The following FAR1 variants were observed in gnomAD, a reference collection of about 807,000 sequenced individuals.
FAR1 encodes male sterility domain-containing protein 2.
Under a neutral mutation model 61.1 loss-of-function variants are expected in FAR1, and 22 were observed. The observed-to-expected ratio is 0.36, with a 90% confidence interval of 0.26 to 0.51. The LOEUF is 0.51. Among genes scored for constraint, FAR1 ranks in the 20% least tolerant of loss-of-function variants. The pLI is 0.95. For synonymous variants in FAR1, 206 were observed against 209.7 expected, an observed-to-expected ratio of 0.98 and a Z score of 0.15; for missense variants, 359 against 626.9, an observed-to-expected ratio of 0.57 and a Z score of 4.56.
At chr11:13,711,051 C>A in intron 5 of FAR1, 181 bp downstream of exon 5, 1 of 557,624 alleles carries the variant, frequency 1.8e-6, no homozygotes, top group Non-Finnish European at 3.1e-6. Context: ...TATAATGTGA[C>A]GCTGGGTATA....
chr11:13,729,821 A>T lies in FAR1; in HGVS notation c.*1047A>T, dbSNP rs556238006. The T allele has an allele frequency of 7.9e-5, 12 of 152,392 alleles. No homozygotes were observed. Among genetic ancestry groups the T allele is most frequent in the African/African-American group, 2.9e-4 (12 of 41,586 alleles). The allele number at this position is 152,392 out of a possible 1,614,324, so 9.4% of individuals were successfully genotyped here. On this transcript the variant is annotated 3_prime_UTR_variant, in exon 12 of 12. Coordinates refer to ENST00000354817, the MANE Select transcript of FAR1 (RefSeq NM_032228.6). ...CACATACTAATTTTGACCTTGAAAGATGAATTCCTTCAAGAAAAATAAAAT... is the reference window on the plus strand; with the variant it reads ...CACATACTAATTTTGACCTTGAAAGTTGAATTCCTTCAAGAAAAATAAAAT...
At chr11:13,725,135 G>A (rs1848656141) in intron 10 of FAR1, among the ~76,000 whole-genome samples, 1 of 152,078 alleles carries the variant, frequency 6.6e-6, no homozygotes, top group Non-Finnish European at 1.5e-5. Flanking sequence ...TGGCTATTAG[G>A]AATAATTATC....
chr11:13,692,739 C>T (rs562170259), intron 1 of FAR1, among the ~76,000 whole-genome samples: 3 of 152,192 alleles, frequency 2.0e-5, no homozygotes, highest in Admixed American at 2.0e-4. Context: ...TGTACTTACA[C>T]CTGAATTTCC....
rs560571621 is a variant in FAR1, at chr11:13,705,660, T to A, written c.366-2240T>A. 4.6e-5 allele frequency among the ~76,000 whole-genome samples: 7 copies of A among 152,090 alleles called. No homozygotes were observed. In the South Asian group the frequency reaches 1.5e-3, roughly 32 times the overall value. On this transcript the variant is annotated intron_variant, in intron 3 of 11. Coordinates refer to ENST00000354817, the MANE Select transcript of FAR1 (RefSeq NM_032228.6). Reference sequence around the variant, plus strand: ...TGGATTTTCACTTGAACAGATTTTCTCCCTCAATTAAGGAAGAAAAAAAAA... The same window carrying A: ...TGGATTTTCACTTGAACAGATTTTCACCCTCAATTAAGGAAGAAAAAAAAA...
chr11:13,696,446 C>T (rs1045056188), intron 2 of FAR1, among the ~76,000 whole-genome samples: 3 of 152,050 alleles, frequency 2.0e-5, no homozygotes, highest in African/African-American at 2.4e-5. Context: ...AATTGAGGGT[C>T]TGAGTAAAAC....
intron 4 of FAR1, among the ~76,000 whole-genome samples, chr11:13,708,628 T>A (rs927269185): frequency 5.3e-5 from 8 of 152,084 alleles, no homozygotes; most frequent in Non-Finnish European, 7.4e-5. Flanking sequence ...CTCCTGAACA[T>A]CTTATTAGTG....
At chr11:13,672,786 T>A (rs1023112365) in intron 1 of FAR1, among the ~76,000 whole-genome samples, 2 of 152,196 alleles carry the variant, frequency 1.3e-5, no homozygotes, top group Non-Finnish European at 2.9e-5. Context: ...TGGTATTTGC[T>A]TAACCTGAAG....
chr11:13,689,710 C>T (rs1181368577), intron 1 of FAR1, among the ~76,000 whole-genome samples: 4 of 151,946 alleles, frequency 2.6e-5, no homozygotes, highest in Non-Finnish European at 4.4e-5. Context: ...TGGGTAGTAC[C>T]ATCTCCTAAG....
chr11:13,718,613 AGT>A (rs1301702967), intron 9 of FAR1, among the ~76,000 whole-genome samples: 2 of 152,168 alleles, frequency 1.3e-5, no homozygotes, highest in Non-Finnish European at 2.9e-5. Context: ...AGCCCCTCCC[AGT>A]GTTGAGATCT....
intron 1 of FAR1, among the ~76,000 whole-genome samples, chr11:13,678,946 G>A (rs1848097101): frequency 6.6e-6 from 1 of 152,106 alleles, no homozygotes; most frequent in Non-Finnish European, 1.5e-5. Flanking sequence ...TATATATGAA[G>A]CATACATAAT....
intron 3 of FAR1, among the ~76,000 whole-genome samples, chr11:13,705,446 A>C (rs1019540863): frequency 3.3e-5 from 5 of 152,220 alleles, no homozygotes; most frequent in Admixed American, 1.3e-4. Context: ...TTCCTCTCAA[A>C]TTATCCCTTA....
rs369660345 is a variant in FAR1, at chr11:13,694,974, A to G, written c.189+20A>G. 169 of 1,581,506 alleles carry G rather than the reference A, an allele frequency of 1.1e-4. No individual in the cohort carries two copies. Among genetic ancestry groups the G allele is most frequent in the Non-Finnish European group, 1.4e-4 (160 of 1,163,376 alleles). ...GGCAAGGTAAGTATGGAAAATGAGC[A>G]CTCAGAACAAAGAAAAAAGCGTGTG... On this transcript the variant is annotated intron_variant, in intron 2 of 11. Transcript: ENST00000354817.
At position 13,695,066 on chromosome 11, in the gene FAR1, G is replaced by A. The variant is rs1430175713; in HGVS notation, c.189+112G>A. ...TTTCTTCAGTATTCTGAAAAAATTA[G>A]TAAAACAAAAAAACTTAGTAAGTTC... is the stretch of plus-strand genomic sequence containing the variant. On this transcript the variant is annotated intron_variant, in intron 2 of 11. Coordinates refer to ENST00000354817, the MANE Select transcript of FAR1 (RefSeq NM_032228.6). The A allele has an allele frequency of 1.0e-5, 9 of 882,424 alleles. No individual in the cohort carries two copies. In the African/African-American group the frequency reaches 1.4e-4, roughly 14 times the overall value. The allele number at this position is 882,424 out of a possible 1,614,324, so 54.7% of individuals were successfully genotyped here. A position where few individuals can be genotyped will look rare whatever the true frequency, so the allele number is the denominator to read the frequency against.
At chr11:13,698,154 C>G (rs1423059269) in intron 2 of FAR1, among the ~76,000 whole-genome samples, 2 of 152,180 alleles carry the variant, frequency 1.3e-5, no homozygotes, top group Non-Finnish European at 2.9e-5. Context: ...GCACTTTACA[C>G]TTGACATTCA....
chr11:13,696,239 C>T (rs577689880), intron 2 of FAR1, among the ~76,000 whole-genome samples: 1 of 152,240 alleles, frequency 6.6e-6, no homozygotes, highest in East Asian at 1.9e-4. Context: ...TTTGTTCTTA[C>T]TCACTTTTTA....
rs1848711967 is a variant in FAR1 at position 13,730,436 on chromosome 11, A to G, written c.*1662A>G. 1.3e-5 allele frequency: 2 copies of G among 152,286 alleles called. No individual in the cohort carries two copies. The highest frequency in any genetic ancestry group is 2.9e-5 in the Non-Finnish European group (2 of 67,922). 9.4% of individuals were successfully genotyped at this position (152,286 alleles called of 1,614,324 possible). A position where few individuals can be genotyped will look rare whatever the true frequency, so the allele number is the denominator to read the frequency against. ...TATAAATATCTCTATATTCTTTGGA[A>G]TGATACTAAAGTCTCTGGTCTAGGA... On this transcript the variant is annotated 3_prime_UTR_variant, in exon 12 of 12. Transcript: ENST00000354817.
intron 4 of FAR1, among the ~76,000 whole-genome samples, chr11:13,709,446 A>G (rs1233181655): frequency 2.0e-5 from 3 of 152,166 alleles, no homozygotes; most frequent in Admixed American, 6.6e-5. Context: ...TACTAACAAT[A>G]TATACAAACA....
rs1381649583 is a variant in FAR1 at position 13,728,732 on chromosome 11, G to A, written c.1506G>A (p.Lys502=). 1.9e-6 allele frequency: 3 copies of A among 1,612,212 alleles called. No individual in the cohort carries two copies. The highest frequency in any genetic ancestry group is 8.5e-7 in the Non-Finnish European group (1 of 1,178,630). Reference sequence around the variant, plus strand: ...ACTTTGTGGTTAGTCTGTGTTACAAGTTTTTGTCATACTTCCGAGCATCCA... The same window carrying A: ...ACTTTGTGGTTAGTCTGTGTTACAAATTTTTGTCATACTTCCGAGCATCCA... ...IWYFVVSLCY[K]FLSYFRASST... is the part of the protein sequence containing the mutation. Residue 502 remains lysine, a synonymous_variant, in exon 12 of 12, where the codon AAG becomes AAA. Coordinates refer to ENST00000354817, the MANE Select transcript of FAR1 (RefSeq NM_032228.6).
At chr11:13,718,573 A>G (rs934714196) in intron 9 of FAR1, among the ~76,000 whole-genome samples, 15 of 152,224 alleles carry the variant, frequency 9.9e-5, no homozygotes, top group Non-Finnish European at 1.8e-4. Flanking sequence ...CCTGAAGCCA[A>G]TACCACATGT....
Sources: allele counts gnomAD v4.1 joint callset (sites outside exome capture counted in the v4.1 genomes callset), GRCh38; gene constraint gnomAD v4.1.1; transcripts MANE v1.5; gene names NCBI Gene and HGNC (gene_info 2026-07-23, HGNC 2026-07-21).